Variants in GRB2 observed in about 807,000 individuals in gnomAD.
GRB2 encodes growth factor receptor bound protein 2, also known as growth factor receptor-bound protein 2.
A neutral mutation model predicts 27.4 loss-of-function variants in GRB2; 2 were observed. That is an observed-to-expected ratio of 0.07 (90% CI 0.03 to 0.23). The LOEUF (loss-of-function observed/expected upper bound fraction) is 0.23, where lower values mean the gene tolerates loss of function less well. Among genes scored for constraint, GRB2 ranks in the 10% least tolerant of loss-of-function variants. The pLI is 1.00. For missense variants in GRB2, 102 were observed against 282.4 expected (o/e 0.36, Z 4.58); for synonymous variants, 94 against 99.6 (o/e 0.94, Z 0.33).
chr17:75,380,513 T>C (rs2145862410), intron 2 of GRB2, among the ~76,000 whole-genome samples: 1 of 152,338 alleles, frequency 6.6e-6, no homozygotes, highest in South Asian at 2.1e-4. Flanking sequence ...CAATACTTGT[T>C]TCTCAAAAGC....
At chr17:75,385,252 T>G (rs1401470448) in intron 2 of GRB2, among the ~76,000 whole-genome samples, 1 of 151,580 alleles carries the variant, frequency 6.6e-6, no homozygotes, top group Non-Finnish European at 1.5e-5. Context: ...AAAATGAAAA[T>G]AAGGCTGACC....
intron 2 of GRB2, chr17:75,372,047 A>G (rs2078860154): frequency 6.6e-6 from 1 of 152,206 alleles, no homozygotes; most frequent in African/African-American, 2.4e-5. Context: ...TGCTGAATTC[A>G]AAGAAATGCT....
intron 2 of GRB2, among the ~76,000 whole-genome samples, chr17:75,338,407 C>A (rs2078596227): frequency 6.6e-6 from 1 of 152,188 alleles, no homozygotes; most frequent in Non-Finnish European, 1.5e-5. Flanking sequence ...TGAGCATGAG[C>A]AAGCTGCTCC....
chr17:75,402,025 G>A (rs2079067294), intron 1 of GRB2, among the ~76,000 whole-genome samples: 1 of 152,166 alleles, frequency 6.6e-6, no homozygotes, highest in South Asian at 2.1e-4. Flanking sequence ...TTGTTACATG[G>A]AAATGCATTT....
chr17:75,323,953 G>A (rs1160185190), intron 4 of GRB2, among the ~76,000 whole-genome samples: 1 of 151,914 alleles, frequency 6.6e-6, no homozygotes, highest in Non-Finnish European at 1.5e-5. Context: ...GGGAATACAG[G>A]CATGTGCCAC....
rs2079010471 is a variant in GRB2 at position 75,393,436 on chromosome 17, AAATGTTAAAAGTG to A, written c.78+102_78+114del. 5 of 818,006 alleles carry A rather than the reference AAATGTTAAAAGTG, an allele frequency of 6.1e-6. No individual in the cohort carries two copies. The African/African-American group carries it at 6.8e-5, about 11-fold the overall frequency. The allele number at this position is 818,006 out of a possible 1,614,324, so 50.7% of individuals were successfully genotyped here. ...AGCTCTCCAGAACAAATATGATGGT[AAATGTTAAAAGTG>A]TACAATGAAAAACACAGCTTCTTTG... On this transcript the variant is annotated intron_variant, in intron 2 of 5. Transcript: ENST00000316804.
intron 2 of GRB2, among the ~76,000 whole-genome samples, chr17:75,392,182 G>C (rs183226089): frequency 6.9e-4 from 105 of 152,234 alleles, no homozygotes; most frequent in Middle Eastern, 3.4e-3. Context: ...CTGATCTCTA[G>C]CTGGGCATAT....
chr17:75,391,807 C>CAAAA (rs60382091), intron 2 of GRB2, among the ~76,000 whole-genome samples: 4 of 121,808 alleles, frequency 3.3e-5, no homozygotes, highest in South Asian at 2.4e-4. Context: ...GACTCCATCT[C>CAAAA]AAAAAAAAAA....
At chr17:75,336,306 T>C (rs925820138) in intron 2 of GRB2, among the ~76,000 whole-genome samples, 3 of 152,190 alleles carry the variant, frequency 2.0e-5, no homozygotes, top group Non-Finnish European at 2.9e-5. Flanking sequence ...TGAAGAGTTT[T>C]TGAAAATGTC....
At position 75,401,914 on chromosome 17, in the gene GRB2, C is replaced by T. The variant is rs1037182816; in HGVS notation, c.-138+3575G>A. ...AGCCAGAGACCTTAACTAGTATTTT[C>T]AGTCTCTTTTCAAATACTAGCCTAC... is the stretch of plus-strand genomic sequence containing the variant. On this transcript the variant is annotated intron_variant, in intron 1 of 5. Transcript: ENST00000316804. 2.0e-5 allele frequency among the ~76,000 whole-genome samples: 3 copies of T among 152,196 alleles called. 1 individual carries two copies. The highest frequency in any genetic ancestry group is 2.0e-4 in the Admixed American group (3 of 15,280).
chr17:75,397,246 CA>C, intron 1 of GRB2, among the ~76,000 whole-genome samples: 2 of 150,512 alleles, frequency 1.3e-5, no homozygotes, highest in South Asian at 4.2e-4. Context: ...TCAGTAAAGA[CA>C]AAAAAAAATC....
chr17:75,381,441 G>A (rs959783540), intron 2 of GRB2, among the ~76,000 whole-genome samples: 3 of 151,980 alleles, frequency 2.0e-5, no homozygotes, highest in Non-Finnish European at 2.9e-5. Context: ...TGAAAATAAA[G>A]ATACGGCTGG....
rs1295243709 is a variant in GRB2, at chr17:75,393,752, C to CA, written c.-125dup. ...TGGGACTCGCTCCGGCACTCTGGGACACACAATGCCACCCTGAAGCAGGAG... is the reference window on the plus strand; with the variant it reads ...TGGGACTCGCTCCGGCACTCTGGGACAACACAATGCCACCCTGAAGCAGGAG... On this transcript the variant is annotated 5_prime_UTR_variant, in exon 2 of 6. Coordinates refer to ENST00000316804, the MANE Select transcript of GRB2 (RefSeq NM_002086.5). The CA allele has an allele frequency of 8.6e-5, 61 of 706,820 alleles. No homozygotes were observed. In the African/African-American group the frequency reaches 9.8e-4, roughly 11 times the overall value. The allele number at this position is 706,820 out of a possible 1,614,324, so 43.8% of individuals were successfully genotyped here.
At chr17:75,353,613 C>T (rs1021246124) in intron 2 of GRB2, among the ~76,000 whole-genome samples, 2 of 151,462 alleles carry the variant, frequency 1.3e-5, no homozygotes, top group South Asian at 2.1e-4. Flanking sequence ...CACAAAAATT[C>T]GCCAGGTGTG....
chr17:75,369,690 C>CAAA lies in GRB2; in HGVS notation c.78+23858_78+23860dup, dbSNP rs35811117. Among the ~76,000 whole-genome samples, 527 of 120,580 alleles carry CAAA rather than the reference C, an allele frequency of 4.4e-3. 9 individuals carry two copies. Among genetic ancestry groups the CAAA allele is most frequent in the South Asian group, 0.042 (151 of 3,554 alleles). The allele number at this position is 120,580 out of a possible 152,430, so 79.1% of individuals were successfully genotyped here. A position where few individuals can be genotyped will look rare whatever the true frequency, so the allele number is the denominator to read the frequency against. Reference sequence around the variant, plus strand: ...GGCAACATGGTGAAACCGTCTCCACCAAAAAAAAAAAAAAAAAAATTAGCC... The same window carrying CAAA: ...GGCAACATGGTGAAACCGTCTCCACCAAAAAAAAAAAAAAAAAAAAAATTAGCC... On this transcript the variant is annotated intron_variant, in intron 2 of 5. Transcript: ENST00000316804.
chr17:75,320,919 A>C lies in GRB2; in HGVS notation c.469-366T>G, dbSNP rs1440704650. ...CGCAAATCCCTTCTACGACACCCTT[A>C]AGGTATTAAAGCCTAAAGTTCTGGA... On this transcript the variant is annotated intron_variant, in intron 5 of 5. Transcript: ENST00000316804. This position sits in a 1 kb window ranked among gnomAD's most constrained non-coding sequence, Gnocchi z 4.3. Among the ~76,000 whole-genome samples, 1 of 152,126 alleles carries C rather than the reference A, an allele frequency of 6.6e-6. No homozygotes were observed. The highest frequency in any genetic ancestry group is 2.4e-5 in the African/African-American group (1 of 41,422).
rs193186100 is a variant in GRB2 at position 75,382,952 on chromosome 17, G to A, written c.78+10599C>T. Among the ~76,000 whole-genome samples, 413 of 152,144 alleles carry A rather than the reference G, an allele frequency of 2.7e-3. 1 individual carries two copies. The highest frequency in any genetic ancestry group is 0.01 in the Middle Eastern group (3 of 292). On this transcript the variant is annotated intron_variant, in intron 2 of 5. Coordinates refer to ENST00000316804, the MANE Select transcript of GRB2 (RefSeq NM_002086.5). ...TCTCGATCTCCTGACCTCGTGATCCGCCTGCCTCGGCCTCCCAAAGTGCTG... is the reference window on the plus strand; with the variant it reads ...TCTCGATCTCCTGACCTCGTGATCCACCTGCCTCGGCCTCCCAAAGTGCTG...
chr17:75,367,252 C>T (rs2078825964), intron 2 of GRB2, among the ~76,000 whole-genome samples: 2 of 152,116 alleles, frequency 1.3e-5, no homozygotes, highest in South Asian at 4.2e-4. Context: ...CTCACTGCAG[C>T]CGCGACCTCC....
At position 75,403,474 on chromosome 17, in the gene GRB2, A is replaced by G. The variant is rs577688305; in HGVS notation, c.-138+2015T>C. Among the ~76,000 whole-genome samples, 7 of 152,246 alleles carry G rather than the reference A, an allele frequency of 4.6e-5. No homozygotes were observed. The South Asian group carries it at 1.5e-3, about 32-fold the overall frequency. On this transcript the variant is annotated intron_variant, in intron 1 of 5. Coordinates refer to ENST00000316804, the MANE Select transcript of GRB2 (RefSeq NM_002086.5). ...GCTGACGAAGTAAAGTGCCTCAAAC[A>G]TTTAAACGTTTGAGTTCAGGCCGGG... is the stretch of plus-strand genomic sequence containing the variant.
Sources: allele counts gnomAD v4.1 joint callset (sites outside exome capture counted in the v4.1 genomes callset), GRCh38; gene constraint gnomAD v4.1.1; non-coding constraint Gnocchi (gnomAD v3.1); transcripts MANE v1.5; gene names NCBI Gene and HGNC (gene_info 2026-07-23, HGNC 2026-07-21).